The following NELL1 variants were observed in gnomAD, a reference collection of about 807,000 sequenced individuals.
The protein encoded by NELL1 is neural EGFL like 1.
In NELL1, 76 loss-of-function variants were observed where a neutral mutation model predicts 107.4. The ratio of observed to expected loss-of-function variants is 0.71; its 90% CI spans 0.59 to 0.86. The LOEUF (loss-of-function observed/expected upper bound fraction) is 0.86. NELL1 is among the 40% of genes least tolerant of loss of function. The pLI, the probability that NELL1 is intolerant of heterozygous loss-of-function variation, is 0.00. For missense variants in NELL1, 1,024 were observed against 1,005.5 expected, an observed-to-expected ratio of 1.02 and a Z score of -0.25; for synonymous variants, 353 against 341.2, an observed-to-expected ratio of 1.03 and a Z score of -0.38.
intron 17 of NELL1, among the ~76,000 whole-genome samples, chr11:21,564,643 G>A (rs958810038): frequency 2.7e-5 from 4 of 150,638 alleles, no homozygotes; most frequent in African/African-American, 7.5e-5. Context: ...AGCCTTCATC[G>A]TGAAAACAAA....
At chr11:21,364,000 G>A (rs533152567) in intron 14 of NELL1, among the ~76,000 whole-genome samples, 8 of 152,272 alleles carry the variant, frequency 5.3e-5, no homozygotes, top group East Asian at 3.9e-4. Context: ...ACCTGTGGAG[G>A]CCATATTGTC....
intron 2 of NELL1, among the ~76,000 whole-genome samples, chr11:20,713,835 G>A (rs1564875584): frequency 6.6e-6 from 1 of 152,168 alleles, no homozygotes; most frequent in Non-Finnish European, 1.5e-5. Context: ...GGAGTGCCTA[G>A]AAGGCTCTTC....
At chr11:20,844,572 C>G (rs1054420508) in intron 3 of NELL1, among the ~76,000 whole-genome samples, 10 of 152,204 alleles carry the variant, frequency 6.6e-5, no homozygotes, top group Non-Finnish European at 1.5e-4. Context: ...AGATTGCTCA[C>G]TAGATCAGCC....
chr11:21,402,637 CCTTTT>C (rs1305215181), intron 15 of NELL1, among the ~76,000 whole-genome samples: 1 of 137,046 alleles, frequency 7.3e-6, no homozygotes, highest in African/African-American at 2.6e-5. Context: ...AAATCTAGAT[CCTTTT>C]CTTTTTTTTT....
chr11:20,899,025 A>C (rs1849813393), intron 5 of NELL1, among the ~76,000 whole-genome samples: 1 of 152,140 alleles, frequency 6.6e-6, no homozygotes, highest in Non-Finnish European at 1.5e-5. Context: ...TAGAGGGAAA[A>C]TGGATACATT....
In NELL1 at chr11:21,311,991, C is replaced by T. The variant is rs536250456; in HGVS notation, c.1550-58862C>T. Among the ~76,000 whole-genome samples the T allele has an allele frequency of 4.6e-5, 7 of 152,204 alleles. No homozygotes were observed. The South Asian group carries it at 1.5e-3, about 32-fold the overall frequency. On this transcript the variant is annotated intron_variant, in intron 14 of 19. Coordinates refer to ENST00000357134, the MANE Select transcript of NELL1 (RefSeq NM_006157.5). ...TTCATAAAAGAGAACTAGTTAGGTC[C>T]TTCCACCATGCAAGGACACATCAAG...
At chr11:21,515,980 C>T (rs1249498038) in intron 15 of NELL1, among the ~76,000 whole-genome samples, 1 of 152,186 alleles carries the variant, frequency 6.6e-6, no homozygotes, top group Non-Finnish European at 1.5e-5. Flanking sequence ...CTCCTGGAGA[C>T]ATACTTGTTT....
chr11:21,473,619 T>C (rs1213431105), intron 15 of NELL1, among the ~76,000 whole-genome samples: 1 of 152,052 alleles, frequency 6.6e-6, no homozygotes, highest in Non-Finnish European at 1.5e-5. Flanking sequence ...ACTGTCCCCA[T>C]AGCTAACTTG....
intron 3 of NELL1, among the ~76,000 whole-genome samples, chr11:20,802,608 A>G (rs1857301991): frequency 6.6e-6 from 1 of 152,188 alleles, no homozygotes; most frequent in Non-Finnish European, 1.5e-5. Context: ...ACTATGTTGA[A>G]TAACAGTGGT....
intron 2 of NELL1, among the ~76,000 whole-genome samples, chr11:20,748,658 A>G (rs1350428430): frequency 6.6e-6 from 1 of 152,092 alleles, no homozygotes; most frequent in Non-Finnish European, 1.5e-5. Context: ...AACTCATGGT[A>G]TTTTGATTTT....
chr11:21,152,909 G>A (rs1335036087), intron 13 of NELL1, among the ~76,000 whole-genome samples: 1 of 151,996 alleles, frequency 6.6e-6, no homozygotes, highest in Non-Finnish European at 1.5e-5. Flanking sequence ...CTGTTTTTCT[G>A]CATTTACATT....
At chr11:20,821,052 G>A (rs1857739926) in intron 3 of NELL1, among the ~76,000 whole-genome samples, 1 of 152,200 alleles carries the variant, frequency 6.6e-6, no homozygotes, top group African/African-American at 2.4e-5. Flanking sequence ...CTATTGAGAA[G>A]CAGGAAGAGA....
intron 12 of NELL1, among the ~76,000 whole-genome samples, chr11:21,056,752 A>G (rs1380080784): frequency 6.6e-6 from 1 of 152,174 alleles, no homozygotes; most frequent in Non-Finnish European, 1.5e-5. Flanking sequence ...TCAAATGAAA[A>G]CTTCCATATT....
intron 3 of NELL1, among the ~76,000 whole-genome samples, chr11:20,815,254 AG>A (rs1169414354): frequency 6.6e-6 from 1 of 151,852 alleles, no homozygotes; most frequent in African/African-American, 2.4e-5. Context: ...TAGTAGAGAC[AG>A]GGTTTTGTAG....
In NELL1 at chr11:20,818,276, A is replaced by G. The variant is rs190931963; in HGVS notation, c.336-29307A>G. Among the ~76,000 whole-genome samples, 20 of 152,218 alleles carry G rather than the reference A, an allele frequency of 1.3e-4. No individual in the cohort carries two copies. The East Asian group carries it at 2.9e-3, about 22-fold the overall frequency. On this transcript the variant is annotated intron_variant, in intron 3 of 19. Coordinates refer to ENST00000357134, the MANE Select transcript of NELL1 (RefSeq NM_006157.5). ...ATCTGGGTGCTCCATTTTTGGGTGC[A>G]TATCTATTTATTATAAGTAAGTCTT... is the stretch of plus-strand genomic sequence containing the variant.
intron 15 of NELL1, among the ~76,000 whole-genome samples, chr11:21,515,735 C>A (rs369732973): frequency 6.6e-6 from 1 of 152,186 alleles, no homozygotes; most frequent in African/African-American, 2.4e-5. Context: ...CAAGGCACAG[C>A]ATTTCACATC....
chr11:21,099,019 T>C (rs546442067), intron 12 of NELL1, among the ~76,000 whole-genome samples: 1 of 152,084 alleles, frequency 6.6e-6, no homozygotes, highest in Non-Finnish European at 1.5e-5. Context: ...CTCGTTTCCT[T>C]TACCTAATGT....
intron 16 of NELL1, among the ~76,000 whole-genome samples, chr11:21,537,067 T>G (rs2133973985): frequency 6.6e-6 from 1 of 152,270 alleles, no homozygotes; most frequent in Non-Finnish European, 1.5e-5. Context: ...TTAATTTGGG[T>G]AGTAGTCTGA....
chr11:21,540,086 T>C (rs78393314), intron 16 of NELL1, among the ~76,000 whole-genome samples: 3,311 of 152,208 alleles, frequency 0.022, 68 homozygotes, highest in East Asian at 0.078. Flanking sequence ...TTATGGGGTA[T>C]ATGTGATATT....
Sources: gnomAD v4.1 joint callset for allele counts (sites outside exome capture counted in the v4.1 genomes callset) on GRCh38, gnomAD v4.1.1 for gene constraint, MANE v1.5 for transcripts, NCBI Gene and HGNC (gene_info 2026-07-23, HGNC 2026-07-21) for gene names.